NME8: variants seen among roughly 807,000 people sequenced by gnomAD.
The protein encoded by NME8 is protein NME8.
A neutral mutation model predicts 82.3 loss-of-function variants in NME8; 72 were observed. The observed-to-expected ratio is 0.87, with a 90% CI of 0.72 to 1.06. NME8 has a LOEUF of 1.06. Among genes scored for constraint, NME8 ranks in the 50% least tolerant of loss-of-function variants. NME8 has a pLI of 0.00. For missense variants in NME8, 712 were observed against 685.4 expected (o/e 1.04, Z -0.43); for synonymous variants, 267 against 228.5 (o/e 1.17, Z -1.52).
chr7:37,882,589 AAGAAAGAAAG>A (rs1205996752), intron 12 of NME8, among the ~76,000 whole-genome samples: 214 of 52,278 alleles, frequency 4.1e-3, no homozygotes, highest in African/African-American at 0.015. Flanking sequence ...GAAAGAAAGA[AAGAAAGAAAG>A]AGAGAGAGAG....
rs536359204 is a variant in NME8, at chr7:37,862,069, G to A, written c.312G>A (p.Pro104=). The A allele has an allele frequency of 2.7e-5, 44 of 1,613,618 alleles. No homozygotes were observed. In the East Asian group the frequency reaches 3.1e-4, roughly 11 times the overall value. The change falls in exon 7 of 18, where the codon CCG becomes CCA. Residue 104 remains proline, a synonymous_variant. Coordinates refer to ENST00000199447, the MANE Select transcript of NME8 (RefSeq NM_016616.5). The part of the protein sequence containing the change: ...IIEKIQGANA[P]LVNKKVINLI... The stretch of plus-strand genomic sequence containing the variant: ...AAAAGATTCAGGGTGCAAATGCACC[G>A]CTTGTTAATAAAAAAGTTATTAATT...
chr7:37,859,984 C>T (rs141969303), intron 6 of NME8, among the ~76,000 whole-genome samples: 11 of 152,280 alleles, frequency 7.2e-5, no homozygotes, highest in African/African-American at 1.9e-4. Context: ...TCCCTTTGTA[C>T]GGGTCAGCAT....
At chr7:37,883,978 C>A (rs542192396) in intron 12 of NME8, among the ~76,000 whole-genome samples, 1 of 150,986 alleles carries the variant, frequency 6.6e-6, no homozygotes, top group African/African-American at 2.4e-5. Context: ...CACACACACA[C>A]ACACACACCC....
chr7:37,899,165 C>T (rs1785275506), intron 17 of NME8, among the ~76,000 whole-genome samples: 1 of 152,122 alleles, frequency 6.6e-6, no homozygotes, highest in Non-Finnish European at 1.5e-5. Context: ...ACCATTTGAC[C>T]CAGAAATCCC....
At position 37,897,544 on chromosome 7, in the gene NME8, C is replaced by CA. The variant is rs1488269943; in HGVS notation, c.*15+440dup. On this transcript the variant is annotated intron_variant, in intron 17 of 17. Transcript: ENST00000199447. ...TGTTCTAAACAAAAACAAAACAAAACAAACCAAACCAAAACAAAAAATAGG... is the reference window on the plus strand; with the variant it reads ...TGTTCTAAACAAAAACAAAACAAAACAAAACCAAACCAAAACAAAAAATAGG... Among the ~76,000 whole-genome samples the CA allele has an allele frequency of 5.3e-5, 8 of 152,194 alleles. No homozygotes were observed. In the South Asian group the frequency reaches 8.3e-4, roughly 16 times the overall value.
At chr7:37,873,969 T>C (rs1053659673) in intron 11 of NME8, among the ~76,000 whole-genome samples, 7 of 152,314 alleles carry the variant, frequency 4.6e-5, no homozygotes, top group African/African-American at 1.4e-4. Flanking sequence ...GGAAAAATAC[T>C]TGACTGCCAT....
At chr7:37,882,639 GAA>G (rs1478169183) in intron 12 of NME8, among the ~76,000 whole-genome samples, 2 of 54,152 alleles carry the variant, frequency 3.7e-5, no homozygotes, top group Admixed American at 2.5e-4. Context: ...AAGAAAGAAA[GAA>G]AGAGAAAGAA....
At chr7:37,877,552 T>C (rs75662068) in intron 12 of NME8, among the ~76,000 whole-genome samples, 553 of 152,310 alleles carry the variant, frequency 3.6e-3, no homozygotes, top group Admixed American at 5.8e-3. Context: ...ATAATTACCA[T>C]TAATATTTAT....
At chr7:37,877,058 A>T in intron 12 of NME8, 51 bp downstream of exon 12, 1 of 1,428,104 alleles carries the variant, frequency 7.0e-7, no homozygotes, top group Non-Finnish European at 9.8e-7. Context: ...ATGAGATTTG[A>T]ATAAACCCTA....
At chr7:37,875,401 G>GAC (rs144351597) in intron 11 of NME8, among the ~76,000 whole-genome samples, 4,401 of 149,648 alleles carry the variant, frequency 0.029, 198 homozygotes, top group Admixed American at 0.12. Context: ...GATCTGCCAA[G>GAC]ACACACACAC....
intron 12 of NME8, among the ~76,000 whole-genome samples, chr7:37,877,849 G>T (rs1461779173): frequency 6.6e-6 from 1 of 152,168 alleles, no homozygotes; most frequent in Admixed American, 6.5e-5. Context: ...GTCTCTGGAG[G>T]TTGCCAAATG....
chr7:37,851,639 A>C (rs2131938523), intron 5 of NME8, among the ~76,000 whole-genome samples: 1 of 152,290 alleles, frequency 6.6e-6, no homozygotes, highest in South Asian at 2.1e-4. Context: ...CGGGTTAAGT[A>C]AAATTTATTA....
intron 11 of NME8, among the ~76,000 whole-genome samples, chr7:37,875,138 A>G (rs1784827805): frequency 6.6e-6 from 1 of 152,220 alleles, no homozygotes; most frequent in South Asian, 2.1e-4. Context: ...TGGACTATTC[A>G]ACATATCAAT....
intron 12 of NME8, among the ~76,000 whole-genome samples, chr7:37,880,591 T>C (rs1784929484): frequency 6.6e-6 from 1 of 152,194 alleles, no homozygotes; most frequent in Non-Finnish European, 1.5e-5. Context: ...TCTCTAACTT[T>C]GTTCTTCTCC....
At chr7:37,884,724 T>G (rs1202291089) in intron 13 of NME8, among the ~76,000 whole-genome samples, 1 of 152,208 alleles carries the variant, frequency 6.6e-6, no homozygotes, top group East Asian at 1.9e-4. Context: ...TACAATACTA[T>G]GAAGTTTAAG....
Position 37,882,639 on chromosome 7 carries a change from G to GAA in NME8, c.995-1662_995-1661dup, listed in dbSNP as rs1478169183. ...AGAAAGAAAGAAAGAAAGAAAGAAA[G>GAA]AAAGAGAAAGAAAGAAAGAGAAAGA... On this transcript the variant is annotated intron_variant, in intron 12 of 17. Transcript: ENST00000199447. Among the ~76,000 whole-genome samples the GAA allele has an allele frequency of 0.016, 886 of 53,982 alleles. 38 individuals are homozygous for GAA. The East Asian group carries it at 0.17, about 11-fold the overall frequency. 35.4% of individuals were successfully genotyped at this position (53,982 alleles called of 152,430 possible).
chr7:37,869,744 A>G (rs981390872), intron 11 of NME8, among the ~76,000 whole-genome samples: 7 of 152,122 alleles, frequency 4.6e-5, no homozygotes, highest in African/African-American at 7.2e-5. Flanking sequence ...GTTTATCCCA[A>G]GCTGGCCACA....
At chr7:37,897,568 G>C (rs1429548034) in intron 17 of NME8, among the ~76,000 whole-genome samples, 2 of 152,026 alleles carry the variant, frequency 1.3e-5, no homozygotes. Flanking sequence ...ACAAAAAATA[G>C]GATGCATGCG....
At chr7:37,860,061 A>G (rs1784576191) in intron 6 of NME8, among the ~76,000 whole-genome samples, 1 of 152,228 alleles carries the variant, frequency 6.6e-6, no homozygotes, top group African/African-American at 2.4e-5. Context: ...ATATTAGATA[A>G]TTCACAGAAT....
Sources: allele counts gnomAD v4.1 joint callset (sites outside exome capture counted in the v4.1 genomes callset), GRCh38; gene constraint gnomAD v4.1.1; transcripts MANE v1.5; gene names NCBI Gene and HGNC (gene_info 2026-07-23, HGNC 2026-07-21).